Variants in PLXDC2 observed in about 807,000 individuals in gnomAD.
The protein encoded by PLXDC2 is plexin domain containing 2.
In PLXDC2, 40 loss-of-function variants were observed where a neutral mutation model predicts 68.9. The ratio of observed to expected loss-of-function variants is 0.58; its 90% confidence interval spans 0.45 to 0.76. PLXDC2 has a LOEUF of 0.76. Ranked by LOEUF, PLXDC2 falls within the 30% of genes least tolerant of loss-of-function variation. The pLI is 0.00. For missense variants in PLXDC2, 644 were observed against 661.9 expected (o/e 0.97, Z 0.30); for synonymous variants, 243 against 234.2 (o/e 1.04, Z -0.34).
At chr10:20,107,224 A>G (rs558131723) in intron 4 of PLXDC2, among the ~76,000 whole-genome samples, 1 of 152,038 alleles carries the variant, frequency 6.6e-6, no homozygotes, top group East Asian at 1.9e-4. Flanking sequence ...ATCTATTACT[A>G]TTCCTTGGTA....
At chr10:19,858,525 A>G (rs1033629418) in intron 1 of PLXDC2, among the ~76,000 whole-genome samples, 4 of 152,242 alleles carry the variant, frequency 2.6e-5, no homozygotes, top group Non-Finnish European at 4.4e-5. Context: ...TTGTAAAAAT[A>G]TAAGTACCTT....
chr10:20,091,049 C>T (rs1833269417), intron 4 of PLXDC2, among the ~76,000 whole-genome samples: 3 of 152,160 alleles, frequency 2.0e-5, no homozygotes. Flanking sequence ...AATTTAATTA[C>T]TGCCAGCCCC....
intron 1 of PLXDC2, among the ~76,000 whole-genome samples, chr10:19,892,850 A>G (rs1479200773): frequency 6.6e-6 from 1 of 152,054 alleles, no homozygotes; most frequent in Non-Finnish European, 1.5e-5. Flanking sequence ...CTTAGTATAC[A>G]GTACGAGCTA....
intron 4 of PLXDC2, among the ~76,000 whole-genome samples, chr10:20,120,344 T>G (rs1259475335): frequency 6.6e-6 from 1 of 152,154 alleles, no homozygotes; most frequent in Admixed American, 6.5e-5. Flanking sequence ...CTTTTTGAAT[T>G]GGTGGCTGAG....
intron 1 of PLXDC2, among the ~76,000 whole-genome samples, chr10:19,855,226 T>TTTGTTGTTG (rs57620092): frequency 7.3e-4 from 110 of 151,536 alleles, no homozygotes; most frequent in African/African-American, 2.5e-3. Flanking sequence ...CAAATACGAT[T>TTTGTTGTTG]TTGTTGTTGT....
At chr10:19,854,405 C>T (rs1165487861) in intron 1 of PLXDC2, among the ~76,000 whole-genome samples, 1 of 152,094 alleles carries the variant, frequency 6.6e-6, no homozygotes, top group Non-Finnish European at 1.5e-5. Flanking sequence ...GCAATTTTGC[C>T]TCCCAGGGGC....
intron 1 of PLXDC2, among the ~76,000 whole-genome samples, chr10:19,827,091 T>C (rs1836587159): frequency 6.6e-6 from 1 of 152,240 alleles, no homozygotes; most frequent in Admixed American, 6.5e-5. Flanking sequence ...CCTGTTTACA[T>C]GCAGGAGATG....
At chr10:19,999,506 T>G (rs1313211783) in intron 1 of PLXDC2, among the ~76,000 whole-genome samples, 1 of 152,078 alleles carries the variant, frequency 6.6e-6, no homozygotes, top group Non-Finnish European at 1.5e-5. Context: ...ATTTAATCTA[T>G]TCTCTGAATG....
chr10:20,201,736 T>C (rs1283786516), intron 9 of PLXDC2, among the ~76,000 whole-genome samples: 1 of 152,112 alleles, frequency 6.6e-6, no homozygotes, highest in African/African-American at 2.4e-5. Context: ...CATACCCCAT[T>C]AAATATGTAA....
At chr10:20,232,686 A>G (rs1012255708) in intron 12 of PLXDC2, among the ~76,000 whole-genome samples, 2 of 152,226 alleles carry the variant, frequency 1.3e-5, no homozygotes, top group African/African-American at 4.8e-5. Context: ...CTAATCTACA[A>G]TAATGGAAAT....
intron 2 of PLXDC2, among the ~76,000 whole-genome samples, chr10:20,013,497 C>T (rs1048053811): frequency 4.6e-5 from 7 of 151,896 alleles, no homozygotes; most frequent in African/African-American, 9.7e-5. Flanking sequence ...TTTTGATTCT[C>T]GGTTTTTTTC....
intron 9 of PLXDC2, among the ~76,000 whole-genome samples, chr10:20,188,300 T>C (rs1564346609): frequency 1.3e-5 from 2 of 151,756 alleles, no homozygotes; most frequent in African/African-American, 2.4e-5. Context: ...ATTATCCTAT[T>C]CTCTACTTCT....
intron 3 of PLXDC2, among the ~76,000 whole-genome samples, chr10:20,052,802 A>G (rs1426519585): frequency 1.3e-5 from 2 of 152,004 alleles, no homozygotes; most frequent in Non-Finnish European, 2.9e-5. Context: ...CCAGAGGGCT[A>G]ACGATTTAGC....
intron 1 of PLXDC2, among the ~76,000 whole-genome samples, chr10:19,981,890 C>A (rs929182100): frequency 2.6e-5 from 4 of 152,158 alleles, no homozygotes; most frequent in African/African-American, 9.7e-5. Context: ...AAGTGCTAGT[C>A]CCGATTCATT....
intron 1 of PLXDC2, among the ~76,000 whole-genome samples, chr10:19,988,776 C>CTTTTTTTTTTTTTTTTTTTTT (rs552950916): frequency 2.2e-5 from 1 of 45,458 alleles, no homozygotes; most frequent in African/African-American, 8.6e-5. Context: ...AATAATGCCA[C>CTTTTTTTTTTTTTTTTTTTTT]TTTTTTTTTT....
intron 1 of PLXDC2, among the ~76,000 whole-genome samples, chr10:19,906,133 G>A (rs929571059): frequency 6.6e-6 from 1 of 152,110 alleles, no homozygotes; most frequent in African/African-American, 2.4e-5. Flanking sequence ...AGAAGAGAGA[G>A]GGACTAAAGT....
chr10:20,106,322 C>T (rs918756204), intron 4 of PLXDC2, among the ~76,000 whole-genome samples: 3 of 152,178 alleles, frequency 2.0e-5, no homozygotes, highest in Admixed American at 6.5e-5. Flanking sequence ...TTGATTTTAC[C>T]ATGAGGTTGG....
intron 4 of PLXDC2, among the ~76,000 whole-genome samples, chr10:20,140,849 T>C (rs1048049997): frequency 7.2e-5 from 11 of 151,962 alleles, no homozygotes; most frequent in Non-Finnish European, 1.6e-4. Flanking sequence ...AGTAGTAGGG[T>C]TTTTTTCCTT....
chr10:20,025,968 G>T (rs552677741), intron 2 of PLXDC2, among the ~76,000 whole-genome samples: 1 of 151,918 alleles, frequency 6.6e-6, no homozygotes, highest in East Asian at 1.9e-4. Context: ...AAAGAACTAC[G>T]TAGATAAACT....
Sources: allele counts gnomAD v4.1 joint callset (sites outside exome capture counted in the v4.1 genomes callset), GRCh38; gene constraint gnomAD v4.1.1; transcripts MANE v1.5; gene names NCBI Gene and HGNC (gene_info 2026-07-23, HGNC 2026-07-21).